Variants in STAG1 observed in about 807,000 individuals in gnomAD.
STAG1 encodes the protein STAG1 cohesin complex component, also known as cohesin subunit SA-1.
Under a neutral mutation model 170.9 loss-of-function variants are expected in STAG1, and 26 were observed. The observed-to-expected ratio is 0.15, with a 90% CI of 0.11 to 0.21. The LOEUF (loss-of-function observed/expected upper bound fraction) is 0.21. Among genes scored for constraint, STAG1 ranks in the 10% least tolerant of loss-of-function variants. The pLI, the probability that STAG1 is intolerant of heterozygous loss-of-function variation, is 1.00. For synonymous variants in STAG1, 514 were observed against 497.7 expected (o/e 1.03, Z -0.44); for missense variants, 964 against 1,509.5 (o/e 0.64, Z 5.99).
intron 1 of STAG1, among the ~76,000 whole-genome samples, chr3:136,638,450 T>G (rs1403237625): frequency 6.6e-6 from 1 of 152,144 alleles, no homozygotes. Flanking sequence ...TCTATATTCT[T>G]AATGCTTGAA....
intron 1 of STAG1, among the ~76,000 whole-genome samples, chr3:136,688,182 G>C (rs576775252): frequency 3.9e-5 from 6 of 152,128 alleles, no homozygotes; most frequent in Non-Finnish European, 7.4e-5. Context: ...TTTTTAAAAT[G>C]AAATGTGGAT....
chr3:136,666,361 G>A (rs1346342707), intron 1 of STAG1, among the ~76,000 whole-genome samples: 1 of 152,076 alleles, frequency 6.6e-6, no homozygotes, highest in East Asian at 1.9e-4. Flanking sequence ...CAGACCTATG[G>A]AAACTATGAG....
intron 12 of STAG1, among the ~76,000 whole-genome samples, chr3:136,466,134 C>G (rs561791116): frequency 5.7e-4 from 87 of 152,252 alleles, no homozygotes; most frequent in Middle Eastern, 3.4e-3. Flanking sequence ...TCACCAGCAA[C>G]AGAACAAAGC....
chr3:136,388,794 G>A (rs1420773641), intron 22 of STAG1, among the ~76,000 whole-genome samples: 1 of 152,162 alleles, frequency 6.6e-6, no homozygotes. Context: ...AATGATTACT[G>A]TACCACTTAG....
intron 1 of STAG1, among the ~76,000 whole-genome samples, chr3:136,725,288 G>A (rs1157955601): frequency 6.6e-6 from 1 of 152,044 alleles, no homozygotes; most frequent in Non-Finnish European, 1.5e-5. Context: ...GGGTGTGTGT[G>A]TGTGTGTGTT....
chr3:136,633,718 G>T lies in STAG1; in HGVS notation c.-83-2737C>A, dbSNP rs1210549288. On this transcript the variant is annotated intron_variant, in intron 1 of 33. Coordinates refer to ENST00000383202, the MANE Select transcript of STAG1 (RefSeq NM_005862.3). ...TTCCATATCAAAAAAAAAGGGGGGG[G>T]GGGGGGTCAGGGGCACAGATATTAT... Among the ~76,000 whole-genome samples, 3 of 138,426 alleles carry T rather than the reference G, an allele frequency of 2.2e-5. No individual in the cohort carries two copies. In the East Asian group the frequency reaches 6.5e-4, roughly 30 times the overall value. The allele number at this position is 138,426 out of a possible 152,430, so 90.8% of individuals were successfully genotyped here. A position where few individuals can be genotyped will look rare whatever the true frequency, so the allele number is the denominator to read the frequency against.
intron 1 of STAG1, among the ~76,000 whole-genome samples, chr3:136,705,367 C>T (rs961407101): frequency 1.2e-4 from 17 of 141,578 alleles, no homozygotes; most frequent in Non-Finnish European, 2.4e-4. Flanking sequence ...AAAAATATCA[C>T]ATGATCATCA....
intron 1 of STAG1, among the ~76,000 whole-genome samples, chr3:136,685,515 C>T (rs893977215): frequency 2.0e-5 from 3 of 152,158 alleles, no homozygotes; most frequent in Non-Finnish European, 2.9e-5. Flanking sequence ...TGTCCACACA[C>T]GTTTATAGCA....
chr3:136,454,988 G>C (rs1428432327), intron 13 of STAG1, among the ~76,000 whole-genome samples: 2 of 151,214 alleles, frequency 1.3e-5, no homozygotes, highest in Non-Finnish European at 3.0e-5. Context: ...AATGATAAAA[G>C]AGATCATTAA....
intron 1 of STAG1, among the ~76,000 whole-genome samples, chr3:136,640,570 T>C (rs969483027): frequency 2.6e-5 from 4 of 151,180 alleles, no homozygotes; most frequent in Non-Finnish European, 1.5e-5. Flanking sequence ...GGTTTTGCCA[T>C]GTTGGTCAGG....
chr3:136,705,334 T>C (rs1276775306), intron 1 of STAG1, among the ~76,000 whole-genome samples: 1 of 151,616 alleles, frequency 6.6e-6, no homozygotes, highest in Non-Finnish European at 1.5e-5. Flanking sequence ...TCAATCAATG[T>C]AATACATGAT....
At chr3:136,476,503 G>A (rs1050886573) in intron 10 of STAG1, among the ~76,000 whole-genome samples, 6 of 152,170 alleles carry the variant, frequency 3.9e-5, no homozygotes, top group African/African-American at 9.7e-5. Flanking sequence ...AAAGTATTAC[G>A]TAACATGTAT....
At chr3:136,591,879 C>T (rs1175521706) in intron 4 of STAG1, among the ~76,000 whole-genome samples, 1 of 152,146 alleles carries the variant, frequency 6.6e-6, no homozygotes, top group African/African-American at 2.4e-5. Flanking sequence ...CTATCAAAGA[C>T]ATCATTCAAT....
In STAG1 at chr3:136,343,844, T is replaced by G; in HGVS notation, c.3434A>C (p.Asp1145Ala). Residue 1145 changes from aspartate to alanine, a missense_variant, in exon 30 of 34, where the codon GAC (aspartate) becomes GCC (alanine). Coordinates refer to ENST00000383202, the MANE Select transcript of STAG1 (RefSeq NM_005862.3). ...EPESEHGSEPDFLHNPQMQIS... is the reference protein window; with the variant it reads ...EPESEHGSEPAFLHNPQMQIS... ...TTTTGCTACTTACTTGTGTAAAAAG[T>G]CTGGTTCAGAACCATGTTCAGACTC... is the stretch of plus-strand genomic sequence containing the variant. 1 of 1,551,086 alleles carries G rather than the reference T, an allele frequency of 6.4e-7. No homozygotes were observed.
intron 6 of STAG1, among the ~76,000 whole-genome samples, chr3:136,531,613 A>G (rs1000190407): frequency 5.9e-5 from 9 of 151,748 alleles, no homozygotes. Context: ...CTTTGTAGGG[A>G]CATGGATGAA....
intron 21 of STAG1, among the ~76,000 whole-genome samples, chr3:136,414,219 T>C (rs1285254141): frequency 1.3e-5 from 2 of 152,208 alleles, no homozygotes; most frequent in East Asian, 1.9e-4. Flanking sequence ...AAGATTTCTC[T>C]GTAGCATGTG....
At chr3:136,648,046 T>G (rs1397443506) in intron 1 of STAG1, among the ~76,000 whole-genome samples, 1 of 152,236 alleles carries the variant, frequency 6.6e-6, no homozygotes, top group African/African-American at 2.4e-5. Flanking sequence ...AAATATAGAA[T>G]GAGTGGTATA....
At chr3:136,655,948 G>T (rs897851106) in intron 1 of STAG1, among the ~76,000 whole-genome samples, 1 of 152,050 alleles carries the variant, frequency 6.6e-6, no homozygotes, top group Non-Finnish European at 1.5e-5. Context: ...AACTGAAAAT[G>T]AGGTCTTGAA....
At chr3:136,730,305 G>A (rs1221480716) in intron 1 of STAG1, among the ~76,000 whole-genome samples, 1 of 152,152 alleles carries the variant, frequency 6.6e-6, no homozygotes, top group East Asian at 1.9e-4. Flanking sequence ...CTAAATTTCA[G>A]TTATAGGTTA....
Sources: allele counts gnomAD v4.1 joint callset (sites outside exome capture counted in the v4.1 genomes callset), GRCh38; gene constraint gnomAD v4.1.1; transcripts MANE v1.5; gene names NCBI Gene and HGNC (gene_info 2026-07-23, HGNC 2026-07-21).